C10orf90: variants seen among roughly 807,000 people sequenced by gnomAD.
C10orf90 encodes the protein (E2-independent) E3 ubiquitin-conjugating enzyme FATS.
In C10orf90, 56 loss-of-function variants were observed where a neutral mutation model predicts 62.5. The observed-to-expected ratio is 0.90, with a 90% CI of 0.72 to 1.12. The LOEUF (loss-of-function observed/expected upper bound fraction) is 1.12, where lower values mean the gene tolerates loss of function less well. Ranked by LOEUF, C10orf90 falls within the 50% of genes most tolerant of loss-of-function variation. The pLI, the probability that C10orf90 is intolerant of heterozygous loss-of-function variation, is 0.00. For synonymous variants in C10orf90, 386 were observed against 340.4 expected, an observed-to-expected ratio of 1.13 and a Z score of -1.47; for missense variants, 970 against 880.4, an observed-to-expected ratio of 1.10 and a Z score of -1.29.
At chr10:126,512,063 G>A (rs868130417) in intron 3 of C10orf90, 4 of 151,780 alleles carry the variant, frequency 2.6e-5, no homozygotes, top group South Asian at 4.2e-4. Context: ...TCCCTGGAGT[G>A]TTTCATCATC....
intron 2 of C10orf90, among the ~76,000 whole-genome samples, chr10:126,611,835 G>T: frequency 6.6e-6 from 1 of 152,168 alleles, no homozygotes; most frequent in African/African-American, 2.4e-5. Flanking sequence ...GTACACAGTA[G>T]TTGGGTCCCA....
chr10:126,427,556 G>A (rs546370170), intron 8 of C10orf90, among the ~76,000 whole-genome samples: 19 of 152,294 alleles, frequency 1.2e-4, no homozygotes, highest in Admixed American at 2.0e-4. Flanking sequence ...AGCTGCCAGC[G>A]TGGCTGGAAT....
chr10:126,439,822 A>G (rs896749534), intron 7 of C10orf90, among the ~76,000 whole-genome samples: 2 of 152,192 alleles, frequency 1.3e-5, no homozygotes, highest in African/African-American at 2.4e-5. Flanking sequence ...AACAGCATCA[A>G]AAGAGCTCAC....
chr10:126,642,678 T>C (rs149872909), intron 2 of C10orf90, among the ~76,000 whole-genome samples: 1 of 152,278 alleles, frequency 6.6e-6, no homozygotes, highest in African/African-American at 2.4e-5. Flanking sequence ...TCTCAGCCAT[T>C]CTCATGGTTT....
chr10:126,622,071 C>G (rs1370850711), intron 2 of C10orf90, among the ~76,000 whole-genome samples: 1 of 152,050 alleles, frequency 6.6e-6, no homozygotes, highest in Non-Finnish European at 1.5e-5. Context: ...CTCCTAGCAC[C>G]CAGAACGTGT....
intron 2 of C10orf90, among the ~76,000 whole-genome samples, chr10:126,560,286 C>T (rs1864872177): frequency 6.6e-6 from 1 of 152,182 alleles, no homozygotes; most frequent in African/African-American, 2.4e-5. Flanking sequence ...TTAATTTCAG[C>T]ATTCACTTGC....
intron 2 of C10orf90, among the ~76,000 whole-genome samples, chr10:126,576,717 A>AT (rs1354426352): frequency 9.5e-5 from 4 of 42,138 alleles, no homozygotes; most frequent in South Asian, 6.2e-4. Flanking sequence ...ATATATATAC[A>AT]AGATATACAT....
intron 4 of C10orf90, among the ~76,000 whole-genome samples, chr10:126,500,870 A>G (rs537599043): frequency 6.6e-6 from 1 of 152,342 alleles, no homozygotes; most frequent in African/African-American, 2.4e-5. Context: ...TTTCTGTCCA[A>G]CGACCTAATG....
intron 2 of C10orf90, among the ~76,000 whole-genome samples, chr10:126,589,416 A>G (rs1844937018): frequency 6.6e-6 from 1 of 152,146 alleles, no homozygotes; most frequent in Admixed American, 6.5e-5. Context: ...AGATTCTCCA[A>G]TGTCGAAATG....
intron 7 of C10orf90, among the ~76,000 whole-genome samples, chr10:126,437,539 G>T (rs990064986): frequency 6.6e-6 from 1 of 152,154 alleles, no homozygotes; most frequent in African/African-American, 2.4e-5. Flanking sequence ...CCCTACATGG[G>T]TTTTGAGGCT....
chr10:126,483,736 C>A (rs990317356), intron 4 of C10orf90, among the ~76,000 whole-genome samples: 5 of 152,206 alleles, frequency 3.3e-5, no homozygotes, highest in African/African-American at 1.2e-4. Flanking sequence ...CTCTTAGCAA[C>A]CCTTCAGAGG....
rs1283067407 is a variant in C10orf90 at position 126,670,465 on chromosome 10, T to A, written c.16A>T (p.Ile6Phe). Residue 6 changes from isoleucine to phenylalanine, a missense_variant, in exon 1 of 10, where the codon ATT (isoleucine) becomes TTT (phenylalanine). Coordinates refer to ENST00000488181, the MANE Select transcript of C10orf90 (RefSeq NM_001350921.2). MQHSG[I>F]PTKTHPQGYA... is the part of the protein sequence containing the mutation. ...CCCTGCGGATGAGTTTTTGTAGGAA[T>A]TCCAGAGTGCTGCATGAGACTCAGT... 2.2e-6 allele frequency: 1 copy of A among 456,638 alleles called. No homozygotes were observed. The highest frequency in any genetic ancestry group is 4.4e-6 in the Non-Finnish European group (1 of 226,966). 28.3% of individuals were successfully genotyped at this position (456,638 alleles called of 1,614,324 possible). A position where few individuals can be genotyped will look rare whatever the true frequency, so the allele number is the denominator to read the frequency against.
intron 4 of C10orf90, chr10:126,496,524 C>T (rs1206046345): frequency 6.2e-6 from 2 of 323,990 alleles, no homozygotes; most frequent in South Asian, 1.2e-4. Context: ...TAAAGTTGTT[C>T]CTTGACAATA....
At chr10:126,645,971 G>A (rs1467703670) in intron 2 of C10orf90, among the ~76,000 whole-genome samples, 1 of 152,134 alleles carries the variant, frequency 6.6e-6, no homozygotes, top group Non-Finnish European at 1.5e-5. Flanking sequence ...TCTCTGAATG[G>A]AAATAGTCGA....
intron 1 of C10orf90, among the ~76,000 whole-genome samples, chr10:126,653,978 T>C (rs1287786782): frequency 6.6e-6 from 1 of 152,184 alleles, no homozygotes; most frequent in East Asian, 1.9e-4. Context: ...ATCTTTTTTT[T>C]TCTAAGCAGC....
intron 8 of C10orf90, among the ~76,000 whole-genome samples, chr10:126,427,935 T>C (rs949906543): frequency 6.6e-6 from 1 of 152,192 alleles, no homozygotes; most frequent in South Asian, 2.1e-4. Context: ...CCGTAACTAA[T>C]ATACCTGGGA....
chr10:126,626,179 T>C (rs1845739410), intron 2 of C10orf90, among the ~76,000 whole-genome samples: 1 of 150,220 alleles, frequency 6.7e-6, no homozygotes. Flanking sequence ...GTTGATTTCC[T>C]GGTAAATAAG....
At chr10:126,513,239 G>A (rs570978538) in intron 3 of C10orf90, among the ~76,000 whole-genome samples, 6 of 152,246 alleles carry the variant, frequency 3.9e-5, no homozygotes, top group African/African-American at 9.6e-5. Flanking sequence ...CAGGTTATAC[G>A]AGCTGTGAGA....
intron 4 of C10orf90, among the ~76,000 whole-genome samples, chr10:126,484,455 A>G (rs1861324902): frequency 6.6e-6 from 1 of 152,226 alleles, no homozygotes; most frequent in Non-Finnish European, 1.5e-5. Flanking sequence ...TTAAGTAGGA[A>G]ATATACATGG....
Sources: gnomAD v4.1 joint callset for allele counts (sites outside exome capture counted in the v4.1 genomes callset) on GRCh38, gnomAD v4.1.1 for gene constraint, MANE v1.5 for transcripts, NCBI Gene and HGNC (gene_info 2026-07-23, HGNC 2026-07-21) for gene names.